Variants in CTNNA2 observed in about 807,000 individuals in gnomAD.
CTNNA2 encodes the protein catenin alpha-2.
A neutral mutation model predicts 101.0 loss-of-function variants in CTNNA2; 42 were observed. The observed-to-expected ratio is 0.42, with a 90% CI of 0.32 to 0.54. The LOEUF (loss-of-function observed/expected upper bound fraction) is 0.54, where lower values mean the gene tolerates loss of function less well. CTNNA2 is among the 20% of genes least tolerant of loss of function. CTNNA2 has a pLI of 0.14. For synonymous variants in CTNNA2, 450 were observed against 456.4 expected (o/e 0.99, Z 0.18); for missense variants, 871 against 1,223.1 (o/e 0.71, Z 4.29).
intron 7 of CTNNA2, among the ~76,000 whole-genome samples, chr2:80,300,133 C>T (rs1035834540): frequency 2.6e-5 from 4 of 152,218 alleles, no homozygotes; most frequent in South Asian, 4.2e-4. Context: ...ACCCCCTCCT[C>T]AAAGTTATCA....
intron 1 of CTNNA2, among the ~76,000 whole-genome samples, chr2:79,539,968 T>C (rs1202897006): frequency 6.6e-6 from 1 of 152,192 alleles, no homozygotes; most frequent in African/African-American, 2.4e-5. Context: ...GGCTTTTAAA[T>C]AGTATTTATT....
chr2:80,309,862 C>T (rs1677381078), intron 7 of CTNNA2, among the ~76,000 whole-genome samples: 1 of 135,724 alleles, frequency 7.4e-6, no homozygotes, highest in Non-Finnish European at 1.6e-5. Context: ...ACCCAGCTAC[C>T]ACATCTCAAA....
intron 4 of CTNNA2, chr2:79,866,402 G>A (rs1282746393): frequency 6.6e-6 from 1 of 152,238 alleles, no homozygotes; most frequent in Non-Finnish European, 1.5e-5. Context: ...AAGAATGCCT[G>A]GCTGTAATGT....
intron 9 of CTNNA2, among the ~76,000 whole-genome samples, chr2:80,435,733 A>G (rs919929735): frequency 5.3e-5 from 8 of 152,214 alleles, no homozygotes; most frequent in Admixed American, 1.3e-4. Context: ...CAGAGCGGAC[A>G]TAGTTCATAC....
chr2:80,386,039 CT>C (rs748340781), intron 7 of CTNNA2, among the ~76,000 whole-genome samples: 13 of 151,726 alleles, frequency 8.6e-5, no homozygotes, highest in Admixed American at 6.6e-4. Context: ...GCCAGTCCTG[CT>C]TTGCGCATTG....
chr2:80,490,088 T>C (rs905141657), intron 9 of CTNNA2, among the ~76,000 whole-genome samples: 5 of 152,176 alleles, frequency 3.3e-5, no homozygotes, highest in Non-Finnish European at 7.4e-5. Context: ...CTTATTTGAG[T>C]GAACCAGCTG....
chr2:80,237,972 C>A (rs1253213010), intron 7 of CTNNA2, among the ~76,000 whole-genome samples: 2 of 150,106 alleles, frequency 1.3e-5, no homozygotes, highest in South Asian at 4.2e-4. Context: ...GTTGACACTT[C>A]TTTTTCTTGC....
At chr2:80,409,777 T>C (rs1183019460) in intron 8 of CTNNA2, among the ~76,000 whole-genome samples, 2 of 152,214 alleles carry the variant, frequency 1.3e-5, no homozygotes, top group African/African-American at 4.8e-5. Flanking sequence ...TTTACTCTCA[T>C]TTCGTTTCTT....
At chr2:79,590,073 T>G (rs1010467189) in intron 1 of CTNNA2, among the ~76,000 whole-genome samples, 1 of 152,306 alleles carries the variant, frequency 6.6e-6, no homozygotes, top group Middle Eastern at 3.4e-3. Flanking sequence ...GGATCATGTG[T>G]CTCAGTTTTT....
chr2:79,793,856 C>T (rs1460929990), intron 3 of CTNNA2, among the ~76,000 whole-genome samples: 1 of 150,402 alleles, frequency 6.6e-6, no homozygotes, highest in Non-Finnish European at 1.5e-5. Context: ...CTTTTTCCAA[C>T]TTTCCCCAAT....
intron 7 of CTNNA2, among the ~76,000 whole-genome samples, chr2:80,049,782 G>C (rs1474290646): frequency 2.0e-5 from 3 of 152,158 alleles, no homozygotes; most frequent in East Asian, 3.9e-4. Context: ...TAGTAGTTTT[G>C]TTTCTAGTGT....
At chr2:80,167,046 C>T (rs1037416604) in intron 7 of CTNNA2, among the ~76,000 whole-genome samples, 6 of 151,948 alleles carry the variant, frequency 3.9e-5, no homozygotes, top group African/African-American at 1.5e-4. Context: ...ATTCTTCTTA[C>T]ACTTGTTTTA....
At chr2:79,907,556 T>C (rs1685510020) in intron 6 of CTNNA2, among the ~76,000 whole-genome samples, 1 of 152,116 alleles carries the variant, frequency 6.6e-6, no homozygotes, top group Non-Finnish European at 1.5e-5. Context: ...ATGAACCCTA[T>C]AGGGCCATCC....
chr2:79,795,832 A>G (rs1184908177), intron 3 of CTNNA2, among the ~76,000 whole-genome samples: 1 of 152,234 alleles, frequency 6.6e-6, no homozygotes, highest in Admixed American at 6.5e-5. Flanking sequence ...TACTGCATTC[A>G]TTAGTCTTTT....
At chr2:80,001,892 C>T (rs969518243) in intron 7 of CTNNA2, among the ~76,000 whole-genome samples, 4 of 152,220 alleles carry the variant, frequency 2.6e-5, no homozygotes, top group African/African-American at 4.8e-5. Context: ...CATAGCACTG[C>T]GTTTTAGAAT....
At chr2:80,007,781 A>G (rs1043038420) in intron 7 of CTNNA2, among the ~76,000 whole-genome samples, 1 of 152,142 alleles carries the variant, frequency 6.6e-6, no homozygotes, top group East Asian at 1.9e-4. Context: ...TCACTAATGG[A>G]GTCCTAGAAG....
chr2:80,209,382 G>A (rs1018896788), intron 7 of CTNNA2, among the ~76,000 whole-genome samples: 1 of 151,732 alleles, frequency 6.6e-6, no homozygotes, highest in Middle Eastern at 3.4e-3. Context: ...TTGCATGTGG[G>A]GTTTCACCAT....
chr2:80,592,972 A>G (rs2149745308), intron 15 of CTNNA2, among the ~76,000 whole-genome samples: 1 of 152,254 alleles, frequency 6.6e-6, no homozygotes, highest in Middle Eastern at 3.4e-3. Flanking sequence ...TGACCACTTC[A>G]CGGGAAAGAC....
At chr2:79,773,989 A>C (rs1673781284) in intron 3 of CTNNA2, among the ~76,000 whole-genome samples, 1 of 152,086 alleles carries the variant, frequency 6.6e-6, no homozygotes, top group Non-Finnish European at 1.5e-5. Context: ...TGGCTGCTAC[A>C]CCTTCCCCCA....
Sources: allele counts gnomAD v4.1 joint callset (sites outside exome capture counted in the v4.1 genomes callset), GRCh38; gene constraint gnomAD v4.1.1; transcripts MANE v1.5; gene names NCBI Gene and HGNC (gene_info 2026-07-23, HGNC 2026-07-21).